PLPP1: variants seen among roughly 807,000 people sequenced by gnomAD.
The protein encoded by PLPP1 is lipid phosphate phosphohydrolase 1a.
Under a neutral mutation model 31.2 loss-of-function variants are expected in PLPP1, and 24 were observed. The observed-to-expected ratio is 0.77, with a 90% CI of 0.56 to 1.08. The LOEUF is 1.08. PLPP1 is among the 50% of genes least tolerant of loss of function. The pLI, the probability that PLPP1 is intolerant of heterozygous loss-of-function variation, is 0.00. For missense variants in PLPP1, 319 were observed against 342.7 expected (o/e 0.93, Z 0.55); for synonymous variants, 146 against 126.3 (o/e 1.16, Z -1.05).
chr5:55,499,629 T>G (rs2111876228), intron 1 of PLPP1, among the ~76,000 whole-genome samples: 1 of 152,270 alleles, frequency 6.6e-6, no homozygotes, highest in Middle Eastern at 3.4e-3. Flanking sequence ...TGTTCATGGA[T>G]GTGAACAACT....
chr5:55,534,567 C>T lies in PLPP1; in HGVS notation c.58+5G>A, dbSNP rs191221714. The stretch of plus-strand genomic sequence containing the variant: ...CGCCCCTCGGACCCGGCGGCGCGTA[C>T]GTACCCAGCAACACGCAGAGCACAT... On this transcript the variant is annotated splice_donor_5th_base_variant and intron_variant, in intron 1 of 5. Coordinates refer to ENST00000307259, the MANE Select transcript of PLPP1 (RefSeq NM_003711.4). 8 of 1,540,778 alleles carry T rather than the reference C, an allele frequency of 5.2e-6. No homozygotes were observed. Among genetic ancestry groups the T allele is most frequent in the Non-Finnish European group, 6.1e-6 (7 of 1,145,810 alleles).
chr5:55,494,334 G>A (rs1752959697), intron 1 of PLPP1, among the ~76,000 whole-genome samples: 1 of 152,200 alleles, frequency 6.6e-6, no homozygotes, highest in Admixed American at 6.5e-5. Flanking sequence ...TACAAAACTT[G>A]AGCACTGATC....
rs76058808 is a variant in PLPP1, at chr5:55,453,999, T to C, written c.492-12091A>G. Among the ~76,000 whole-genome samples the C allele has an allele frequency of 6.4e-3, 967 of 152,066 alleles. 14 individuals carry two copies. Among genetic ancestry groups the C allele is most frequent in the African/African-American group, 0.021 (860 of 41,454 alleles). On this transcript the variant is annotated intron_variant, in intron 3 of 5. Transcript: ENST00000307259. The stretch of plus-strand genomic sequence containing the variant: ...CTCAAAACAAACGTAAGCAGCACAA[T>C]AACAAACCACAAACCATAAGAAGAA...
chr5:55,510,113 C>CA (rs911028678), intron 1 of PLPP1, among the ~76,000 whole-genome samples: 5 of 151,578 alleles, frequency 3.3e-5, no homozygotes, highest in Non-Finnish European at 7.4e-5. Context: ...ACTTCTTTGC[C>CA]AAAAAACATT....
chr5:55,488,232 T>C (rs1249562257), intron 1 of PLPP1, among the ~76,000 whole-genome samples: 4 of 151,916 alleles, frequency 2.6e-5, no homozygotes. Flanking sequence ...TTTAGCCCTA[T>C]TGCTATTTAA....
intron 1 of PLPP1, among the ~76,000 whole-genome samples, chr5:55,477,477 T>C (rs1386541139): frequency 2.1e-5 from 3 of 143,784 alleles, no homozygotes; most frequent in Non-Finnish European, 4.5e-5. Flanking sequence ...CACTGCACAC[T>C]CCACTTCCAG....
chr5:55,432,733 A>G (rs1322591681), intron 4 of PLPP1, among the ~76,000 whole-genome samples: 3 of 152,112 alleles, frequency 2.0e-5, no homozygotes, highest in Admixed American at 2.0e-4. Flanking sequence ...GCAAATCAAT[A>G]AATGTGACAC....
intron 3 of PLPP1, among the ~76,000 whole-genome samples, chr5:55,460,224 G>GT (rs1211614884): frequency 2.6e-5 from 4 of 152,048 alleles, no homozygotes; most frequent in Non-Finnish European, 5.9e-5. Flanking sequence ...ATCAAAATTT[G>GT]TGACACAGCT....
chr5:55,427,102 A>G (rs1579912867), intron 4 of PLPP1, among the ~76,000 whole-genome samples: 1 of 141,158 alleles, frequency 7.1e-6, no homozygotes, highest in Non-Finnish European at 1.6e-5. Context: ...AAAAAAAAAA[A>G]AAGAAAACTA....
chr5:55,504,697 A>C (rs1753233306), intron 1 of PLPP1, among the ~76,000 whole-genome samples: 2 of 152,230 alleles, frequency 1.3e-5, no homozygotes, highest in Non-Finnish European at 2.9e-5. Context: ...AATCTAAAAT[A>C]ATTAGTATAT....
At chr5:55,502,321 T>C (rs1057485174) in intron 1 of PLPP1, among the ~76,000 whole-genome samples, 1 of 152,058 alleles carries the variant, frequency 6.6e-6, no homozygotes, top group Non-Finnish European at 1.5e-5. Context: ...ACCCCGTCTC[T>C]ACGAAAAAGA....
At chr5:55,530,085 G>A (rs551599376) in intron 1 of PLPP1, 6 of 786,936 alleles carry the variant, frequency 7.6e-6, no homozygotes, top group South Asian at 4.3e-5. Context: ...TTACTGAAAC[G>A]GTGACTTCAT....
Position 55,486,637 on chromosome 5 carries a change from G to A in PLPP1, c.59-11187C>T, listed in dbSNP as rs1027835130. On this transcript the variant is annotated intron_variant, in intron 1 of 5. Transcript: ENST00000307259. ...TATATAAAGTGATTAAGCCTTGGTCGGGCGCCGTGGCTCACGCCTGTAATC... is the reference window on the plus strand; with the variant it reads ...TATATAAAGTGATTAAGCCTTGGTCAGGCGCCGTGGCTCACGCCTGTAATC... 7.9e-5 allele frequency among the ~76,000 whole-genome samples: 12 copies of A among 151,758 alleles called. No homozygotes were observed. The East Asian group carries it at 9.7e-4, about 12-fold the overall frequency.
chr5:55,527,508 T>G (rs1353930705), intron 1 of PLPP1, among the ~76,000 whole-genome samples: 1 of 152,194 alleles, frequency 6.6e-6, no homozygotes, highest in African/African-American at 2.4e-5. Flanking sequence ...CATTTGCCAT[T>G]AAGGACACTG....
At chr5:55,426,778 GGC>G (rs1751208554) in intron 4 of PLPP1, among the ~76,000 whole-genome samples, 1 of 151,708 alleles carries the variant, frequency 6.6e-6, no homozygotes, top group Non-Finnish European at 1.5e-5. Flanking sequence ...CATTGCTCTG[GGC>G]CTATCTAGGG....
intron 3 of PLPP1, among the ~76,000 whole-genome samples, chr5:55,462,881 G>C (rs1752196719): frequency 6.6e-6 from 1 of 151,998 alleles, no homozygotes; most frequent in Non-Finnish European, 1.5e-5. Flanking sequence ...GCTCAGGCAG[G>C]AGAATGGCGT....
chr5:55,478,521 GGACAGA>G (rs1752605055), intron 1 of PLPP1, among the ~76,000 whole-genome samples: 3 of 152,272 alleles, frequency 2.0e-5, no homozygotes, highest in Middle Eastern at 3.4e-3. Flanking sequence ...AAGGGGTCTA[GGACAGA>G]GACAGAGATT....
chr5:55,438,912 A>T (rs1240111645), intron 4 of PLPP1, among the ~76,000 whole-genome samples: 1 of 152,100 alleles, frequency 6.6e-6, no homozygotes, highest in African/African-American at 2.4e-5. Flanking sequence ...AAAAAAAAAA[A>T]AAAGTTGTAC....
chr5:55,512,721 A>G (rs1753462974), intron 1 of PLPP1, among the ~76,000 whole-genome samples: 1 of 28,498 alleles, frequency 3.5e-5, no homozygotes, highest in Admixed American at 4.9e-4. Context: ...TACATTATAA[A>G]CTACACACAC....
Sources: gnomAD v4.1 joint callset for allele counts (sites outside exome capture counted in the v4.1 genomes callset) on GRCh38, gnomAD v4.1.1 for gene constraint, MANE v1.5 for transcripts, NCBI Gene and HGNC (gene_info 2026-07-23, HGNC 2026-07-21) for gene names.